Variants in CLK1 observed in about 807,000 individuals in gnomAD.
CLK1 encodes dual specificity protein kinase CLK1.
Under a neutral mutation model 60.9 loss-of-function variants are expected in CLK1, and 40 were observed. The ratio of observed to expected loss-of-function variants is 0.66; its 90% CI spans 0.51 to 0.86. The LOEUF (loss-of-function observed/expected upper bound fraction) is 0.86, where lower values mean the gene tolerates loss of function less well. CLK1 is among the 40% of genes least tolerant of loss of function. The probability of loss-of-function intolerance (pLI) is 0.00; values close to 1 mark genes in which losing one functional copy is unlikely to be tolerated. For synonymous variants in CLK1, 203 were observed against 184.4 expected, an observed-to-expected ratio of 1.10 and a Z score of -0.82; for missense variants, 563 against 606.1, an observed-to-expected ratio of 0.93 and a Z score of 0.75.
intron 1 of CLK1, 122 bp downstream of exon 1, chr2:200,864,441 GC>G: frequency 1.7e-6 from 1 of 575,104 alleles, no homozygotes; most frequent in South Asian, 3.0e-5. Flanking sequence ...AGTGAAGGGA[GC>G]AGGCAGTCGT....
chr2:200,855,126 A>G (rs993292442), intron 9 of CLK1, 40 bp from the exon 10 acceptor site: 17 of 1,436,976 alleles, frequency 1.2e-5, no homozygotes, highest in Admixed American at 2.1e-5. Flanking sequence ...AAAATACTCA[A>G]TGTTTGTTAA....
rs768046413 is a variant in CLK1 at position 200,861,388 on chromosome 2, G to A, written c.240C>T (p.Tyr80=). The change falls in exon 3 of 13, where the codon TAC becomes TAT. Residue 80 remains tyrosine (Y), a synonymous_variant. Coordinates refer to ENST00000321356, the MANE Select transcript of CLK1 (RefSeq NM_004071.4). ...RRYIDEYRND[Y]TQGCEPGHRQ... Reference sequence around the variant, plus strand: ...GATGTCCAGGTTCACATCCTTGAGTGTAGTCATTTCTGTACTCATCAATGT... The same window carrying A: ...GATGTCCAGGTTCACATCCTTGAGTATAGTCATTTCTGTACTCATCAATGT... 13 of 1,613,996 alleles carry A rather than the reference G, an allele frequency of 8.1e-6. No individual in the cohort carries two copies. The Admixed American group carries it at 1.7e-4, about 21-fold the overall frequency.
intron 4 of CLK1, 121 bp from the exon 5 acceptor site, chr2:200,859,867 T>G (rs1284614361): frequency 6.7e-7 from 1 of 1,495,052 alleles, no homozygotes; most frequent in Non-Finnish European, 8.9e-7. Context: ...CACTAGATAT[T>G]TTATTGGTCA....
chr2:200,861,068 C>T, intron 3 of CLK1, 170 bp downstream of exon 3: 1 of 1,419,488 alleles, frequency 7.0e-7, no homozygotes. Context: ...TAAATGTGTA[C>T]TTTATTTCCG....
At position 200,859,039 on chromosome 2, in the gene CLK1, G is replaced by A. The variant is rs185499876; in HGVS notation, c.548+641C>T. ...TACAATACTAATACAAACAATAGCT[G>A]GGCATGGTGGCGCGTGTCTGTAGTT... On this transcript the variant is annotated intron_variant, in intron 5 of 12. Transcript: ENST00000321356. 1.5e-3 allele frequency among the ~76,000 whole-genome samples: 223 copies of A among 152,066 alleles called. 2 individuals are homozygous for A. Among genetic ancestry groups the A allele is most frequent in the African/African-American group, 5.2e-3 (217 of 41,480 alleles).
Position 200,861,596 on chromosome 2 carries a change from TC to T in CLK1, c.161+105del, listed in dbSNP as rs3832089. 5.8e-5 allele frequency: 90 copies of T among 1,558,004 alleles called. 1 individual carries two copies. In the East Asian group the frequency reaches 2.0e-3, roughly 35 times the overall value. On this transcript the variant is annotated intron_variant, in intron 2 of 12. Coordinates refer to ENST00000321356, the MANE Select transcript of CLK1 (RefSeq NM_004071.4). ...AAACATTACAAACCATCAAAATCTC[TC>T]ATTGGAAACAAACGAATGGTAGTAA...
rs10652214 is a variant in CLK1 at position 200,858,842 on chromosome 2, T to TAAAA, written c.549-757_549-754dup. ...ACAACAACAACAACAAACAGGGAAC[T>TAAAA]AAAAAAAAAGAGTAACGGAAAAAAT... On this transcript the variant is annotated intron_variant, in intron 5 of 12. Transcript: ENST00000321356. 3.1e-3 allele frequency among the ~76,000 whole-genome samples: 460 copies of TAAAA among 147,164 alleles called. 2 individuals are homozygous for TAAAA. Among genetic ancestry groups the TAAAA allele is most frequent in the Middle Eastern group, 3.5e-3 (1 of 286 alleles).
At chr2:200,858,288 G>GT (rs1249051610) in intron 5 of CLK1, 199 bp from the exon 6 acceptor site, 26 of 568,280 alleles carry the variant, frequency 4.6e-5, no homozygotes, top group Non-Finnish European at 5.7e-5. Flanking sequence ...TTATTTTTTG[G>GT]TATTTCAGCT....
At chr2:200,856,547 C>A (rs560222626) in intron 9 of CLK1, 135 bp downstream of exon 9, 25 of 647,134 alleles carry the variant, frequency 3.9e-5, no homozygotes, top group Non-Finnish European at 7.7e-6. Flanking sequence ...AGCTTAAAAT[C>A]CATAATGCAC....
intron 9 of CLK1, 69 bp from the exon 10 acceptor site, chr2:200,855,155 TA>T (rs2039017989): frequency 8.5e-6 from 10 of 1,175,798 alleles, no homozygotes; most frequent in Non-Finnish European, 1.2e-5. Flanking sequence ...AAAAGTTAGT[TA>T]ACACTAATAC....
intron 7 of CLK1, 126 bp from the exon 8 acceptor site, chr2:200,857,111 G>A: frequency 1.4e-6 from 1 of 719,024 alleles, no homozygotes. Context: ...TTCGAGACCA[G>A]CCTGACCAAT....
intron 10 of CLK1, 81 bp downstream of exon 10, chr2:200,854,922 TG>T: frequency 2.9e-6 from 3 of 1,026,426 alleles, no homozygotes; most frequent in Non-Finnish European, 4.4e-6. Flanking sequence ...TAGTCTATAA[TG>T]GGGGAAGCAA....
intron 1 of CLK1, 34 bp from the exon 2 acceptor site, chr2:200,861,896 G>A (rs983200936): frequency 3.1e-6 from 5 of 1,598,992 alleles, no homozygotes; most frequent in African/African-American, 2.7e-5. Flanking sequence ...TAGTTAAATT[G>A]TACCCCACAC....
At chr2:200,854,173 G>A (rs2038999152) in intron 11 of CLK1, 180 bp from the exon 12 acceptor site, 1 of 486,358 alleles carries the variant, frequency 2.1e-6, no homozygotes, top group East Asian at 3.7e-5. Context: ...AAAAATATTA[G>A]TTTGACTTCA....
chr2:200,855,147 A>G (rs2039017790), intron 9 of CLK1, 61 bp from the exon 10 acceptor site: 23 of 1,317,114 alleles, frequency 1.7e-5, no homozygotes, highest in Admixed American at 4.2e-5. Context: ...AGAAATTAAA[A>G]AGTTAGTTAA....
At chr2:200,861,102 C>T (rs1298854589) in intron 3 of CLK1, 136 bp downstream of exon 3, 8 of 1,463,978 alleles carry the variant, frequency 5.5e-6, no homozygotes, top group Admixed American at 2.7e-5. Flanking sequence ...AATGCACAAA[C>T]ACAGAAAAAA....
intron 3 of CLK1, chr2:200,861,020 T>A: frequency 7.5e-7 from 1 of 1,342,008 alleles, no homozygotes; most frequent in Non-Finnish European, 9.5e-7. Flanking sequence ...TTCACTGGAA[T>A]GTCAATTAGG....
chr2:200,857,009 G>C, intron 7 of CLK1, 24 bp from the exon 8 acceptor site: 1 of 1,594,486 alleles, frequency 6.3e-7, no homozygotes, highest in Non-Finnish European at 8.6e-7. Flanking sequence ...GAAAGTTGCT[G>C]TAATCAGAAA....
intron 3 of CLK1, 113 bp downstream of exon 3, chr2:200,861,123 TAA>T: frequency 6.7e-7 from 1 of 1,501,958 alleles, no homozygotes; most frequent in Non-Finnish European, 8.8e-7. Context: ...TCCTGCAGGT[TAA>T]AACTGAGATG....
Sources: allele counts gnomAD v4.1 joint callset (sites outside exome capture counted in the v4.1 genomes callset), GRCh38; gene constraint gnomAD v4.1.1; transcripts MANE v1.5; gene names NCBI Gene and HGNC (gene_info 2026-07-23, HGNC 2026-07-21).